SPAG16: variants seen among roughly 807,000 people sequenced by gnomAD.
SPAG16 encodes sperm-associated antigen 16 protein.
In SPAG16, 86 loss-of-function variants were observed where a neutral mutation model predicts 80.4. That is an observed-to-expected ratio of 1.07 (90% CI 0.90 to 1.28). The LOEUF is 1.28. SPAG16 is among the 50% of genes most tolerant of loss of function. The pLI, the probability that SPAG16 is intolerant of heterozygous loss-of-function variation, is 0.00. For synonymous variants in SPAG16, 294 were observed against 265.9 expected, an observed-to-expected ratio of 1.11 and a Z score of -1.03; for missense variants, 870 against 765.3, an observed-to-expected ratio of 1.14 and a Z score of -1.61.
Position 213,691,900 on chromosome 2 carries a change from T to A in SPAG16, c.1071-170585T>A, listed in dbSNP as rs770424705. ...GAATTTCAATAAATATTTGTAAAAGTAATGAAGAAGGCGGTAGTCTATCCT... is the reference window on the plus strand; with the variant it reads ...GAATTTCAATAAATATTTGTAAAAGAAATGAAGAAGGCGGTAGTCTATCCT... On this transcript the variant is annotated intron_variant, in intron 10 of 15. Coordinates refer to ENST00000331683, the MANE Select transcript of SPAG16 (RefSeq NM_024532.5). Among the ~76,000 whole-genome samples the A allele has an allele frequency of 5.8e-4, 89 of 152,318 alleles. 1 individual carries two copies. The highest frequency in any genetic ancestry group is 1.5e-4 in the Non-Finnish European group (10 of 68,032).
intron 12 of SPAG16, among the ~76,000 whole-genome samples, chr2:213,983,261 T>C (rs2106424873): frequency 6.6e-6 from 1 of 152,068 alleles, no homozygotes; most frequent in East Asian, 1.9e-4. Flanking sequence ...CATTTGAAAA[T>C]TTCATGTTTT....
At chr2:213,875,638 A>T (rs965071513) in intron 11 of SPAG16, among the ~76,000 whole-genome samples, 2 of 152,100 alleles carry the variant, frequency 1.3e-5, no homozygotes, top group Admixed American at 1.3e-4. Context: ...AAGGGACCAG[A>T]CTCTGCGGAA....
intron 13 of SPAG16, among the ~76,000 whole-genome samples, chr2:214,059,320 G>T (rs1171020878): frequency 2.0e-5 from 3 of 147,358 alleles, no homozygotes; most frequent in African/African-American, 7.5e-5. Flanking sequence ...ACTTCTGAAT[G>T]GTTGTCTTTT....
At chr2:213,382,481 C>A (rs1278633874) in intron 9 of SPAG16, among the ~76,000 whole-genome samples, 2 of 152,168 alleles carry the variant, frequency 1.3e-5, no homozygotes, top group Non-Finnish European at 2.9e-5. Context: ...TTATAGGCTT[C>A]CTATAGTATC....
intron 10 of SPAG16, among the ~76,000 whole-genome samples, chr2:213,736,706 A>AGT (rs1553619804): frequency 6.9e-6 from 1 of 145,424 alleles, no homozygotes; most frequent in Non-Finnish European, 1.5e-5. Context: ...TTTTTAAATA[A>AGT]TTTTTTTTTT....
At chr2:213,787,133 G>A (rs954962576) in intron 10 of SPAG16, among the ~76,000 whole-genome samples, 3 of 152,122 alleles carry the variant, frequency 2.0e-5, no homozygotes, top group Non-Finnish European at 2.9e-5. Context: ...ATACTGAGGT[G>A]ATGGGTTGAT....
At chr2:213,592,903 C>G (rs1379608726) in intron 10 of SPAG16, among the ~76,000 whole-genome samples, 1 of 152,182 alleles carries the variant, frequency 6.6e-6, no homozygotes, top group African/African-American at 2.4e-5. Flanking sequence ...GAACGCAGCT[C>G]TTCTAACAGA....
chr2:213,894,489 T>C (rs2076911672), intron 11 of SPAG16, among the ~76,000 whole-genome samples: 1 of 152,088 alleles, frequency 6.6e-6, no homozygotes, highest in Admixed American at 6.6e-5. Context: ...AACACTTTAC[T>C]GAATGGGGGA....
intron 10 of SPAG16, among the ~76,000 whole-genome samples, chr2:213,505,136 GACCTTTCTACTTGACA>G (rs2074915854): frequency 6.6e-6 from 1 of 152,112 alleles, no homozygotes. Context: ...AATATAAGTA[GACCTTTCTACTTGACA>G]ACTGTGACCT....
At chr2:213,636,792 G>T (rs1036761097) in intron 10 of SPAG16, among the ~76,000 whole-genome samples, 4 of 152,156 alleles carry the variant, frequency 2.6e-5, no homozygotes, top group Non-Finnish European at 4.4e-5. Context: ...ACTGATTTGT[G>T]TACATTGATT....
intron 7 of SPAG16, among the ~76,000 whole-genome samples, chr2:213,355,794 A>G (rs1023904956): frequency 1.3e-5 from 2 of 152,178 alleles, no homozygotes; most frequent in Admixed American, 6.5e-5. Context: ...TAAACATACA[A>G]TCATGTCATC....
chr2:214,348,211 C>T (rs910725546), intron 15 of SPAG16, among the ~76,000 whole-genome samples: 8 of 152,150 alleles, frequency 5.3e-5, no homozygotes, highest in African/African-American at 1.9e-4. Flanking sequence ...ATCTCCTTCA[C>T]ACATGGACAT....
chr2:214,072,148 C>T (rs1232879604), intron 13 of SPAG16, among the ~76,000 whole-genome samples: 1 of 151,936 alleles, frequency 6.6e-6, no homozygotes, highest in Non-Finnish European at 1.5e-5. Flanking sequence ...CCAGTTGTCA[C>T]ACATCTTTAC....
intron 10 of SPAG16, among the ~76,000 whole-genome samples, chr2:213,596,691 G>A (rs1441929294): frequency 6.6e-6 from 1 of 152,076 alleles, no homozygotes; most frequent in African/African-American, 2.4e-5. Context: ...GGTATTGGAA[G>A]GTAAGGAAAA....
intron 15 of SPAG16, among the ~76,000 whole-genome samples, chr2:214,245,854 G>A (rs543737408): frequency 1.1e-3 from 163 of 152,236 alleles, no homozygotes; most frequent in African/African-American, 3.8e-3. Context: ...TACCTGATAT[G>A]TGTTCAAATA....
At chr2:214,198,192 A>G (rs935971450) in intron 15 of SPAG16, among the ~76,000 whole-genome samples, 3 of 151,890 alleles carry the variant, frequency 2.0e-5, no homozygotes, top group African/African-American at 7.3e-5. Context: ...GTGCACCGTC[A>G]CCTGAGCAGT....
intron 10 of SPAG16, among the ~76,000 whole-genome samples, chr2:213,566,444 C>A (rs536558623): frequency 6.6e-6 from 1 of 151,962 alleles, no homozygotes; most frequent in African/African-American, 2.4e-5. Flanking sequence ...TTCTTTAATC[C>A]TTCATTTAAG....
chr2:214,004,085 T>C (rs143844398), intron 12 of SPAG16, among the ~76,000 whole-genome samples: 1 of 152,214 alleles, frequency 6.6e-6, no homozygotes, highest in African/African-American at 2.4e-5. Flanking sequence ...TTTTCAAGCT[T>C]CTGCCCATGC....
At chr2:213,439,493 A>C (rs961528357) in intron 9 of SPAG16, among the ~76,000 whole-genome samples, 1 of 152,218 alleles carries the variant, frequency 6.6e-6, no homozygotes. Flanking sequence ...AGCTTAATGG[A>C]ATTATGTCCT....
Sources: gnomAD v4.1 joint callset for allele counts (sites outside exome capture counted in the v4.1 genomes callset) on GRCh38, gnomAD v4.1.1 for gene constraint, MANE v1.5 for transcripts, NCBI Gene and HGNC (gene_info 2026-07-23, HGNC 2026-07-21) for gene names.